The following EML4 variants were observed in gnomAD, a reference collection of about 807,000 sequenced individuals.
EML4 encodes EMAP like 4.
In EML4, 72 loss-of-function variants were observed where a neutral mutation model predicts 129.0. The observed-to-expected ratio is 0.56, with a 90% CI of 0.46 to 0.68. The LOEUF (loss-of-function observed/expected upper bound fraction) is 0.68. Ranked by LOEUF, EML4 falls within the 30% of genes least tolerant of loss-of-function variation. The pLI is 0.00. For synonymous variants in EML4, 532 were observed against 405.0 expected (o/e 1.31, Z -3.77); for missense variants, 1,363 against 1,190.6 (o/e 1.14, Z -2.13).
chr2:42,230,797 C>A (rs1443497699), intron 1 of EML4, among the ~76,000 whole-genome samples: 1 of 152,156 alleles, frequency 6.6e-6, no homozygotes, highest in Non-Finnish European at 1.5e-5. Context: ...TCTTCACCTC[C>A]TCTCATCTTC....
At chr2:42,278,570 T>C (rs1348349920) in intron 6 of EML4, among the ~76,000 whole-genome samples, 4 of 66,462 alleles carry the variant, frequency 6.0e-5, no homozygotes, top group Non-Finnish European at 9.7e-5. Flanking sequence ...CGGGACTCCA[T>C]CTCAAAAAAA....
chr2:42,230,848 G>T (rs188538519), intron 1 of EML4, among the ~76,000 whole-genome samples: 1 of 152,290 alleles, frequency 6.6e-6, no homozygotes, highest in Non-Finnish European at 1.5e-5. Context: ...TCTCAGAAAA[G>T]GCTCATTCTT....
intron 1 of EML4, among the ~76,000 whole-genome samples, chr2:42,177,430 G>C (rs890615376): frequency 6.6e-6 from 1 of 152,036 alleles, no homozygotes; most frequent in Non-Finnish European, 1.5e-5. Context: ...AGACCAGCCT[G>C]GGCAACATGG....
At chr2:42,251,573 A>C (rs960924170) in intron 2 of EML4, among the ~76,000 whole-genome samples, 3 of 152,260 alleles carry the variant, frequency 2.0e-5, no homozygotes, top group African/African-American at 7.2e-5. Flanking sequence ...ATAGAATTTG[A>C]TGGAGTACAT....
chr2:42,238,397 G>A (rs1277106948), intron 1 of EML4, among the ~76,000 whole-genome samples: 3 of 152,128 alleles, frequency 2.0e-5, no homozygotes, highest in Admixed American at 2.0e-4. Flanking sequence ...GATAGGCATA[G>A]CTAATCCCAA....
chr2:42,182,800 C>A (rs1386181602), intron 1 of EML4, among the ~76,000 whole-genome samples: 2 of 152,132 alleles, frequency 1.3e-5, no homozygotes, highest in African/African-American at 4.8e-5. Flanking sequence ...GGTCAGAAAT[C>A]AATGTTTCAT....
intron 13 of EML4, 29 bp downstream of exon 13, chr2:42,295,545 C>G (rs904903535): frequency 4.4e-6 from 7 of 1,598,534 alleles, no homozygotes; most frequent in Admixed American, 1.7e-5. Context: ...AAACTCATTT[C>G]TGGTAATTCT....
intron 1 of EML4, among the ~76,000 whole-genome samples, chr2:42,242,745 G>A (rs538686437): frequency 3.6e-5 from 5 of 137,500 alleles, no homozygotes; most frequent in East Asian, 2.1e-4. Context: ...GTCTCGTCTC[G>A]TCTCTTCTTT....
chr2:42,265,899 T>C (rs955250057), intron 6 of EML4, among the ~76,000 whole-genome samples: 1 of 152,258 alleles, frequency 6.6e-6, no homozygotes, highest in African/African-American at 2.4e-5. Flanking sequence ...TTTAATTTAA[T>C]TGCACTGTAG....
chr2:42,190,156 T>G (rs1324754530), intron 1 of EML4, among the ~76,000 whole-genome samples: 1 of 152,216 alleles, frequency 6.6e-6, no homozygotes, highest in Non-Finnish European at 1.5e-5. Context: ...CTTGTCAGGA[T>G]GATAGAACTT....
chr2:42,282,732 G>A, intron 7 of EML4, 91 bp from the exon 8 acceptor site: 1 of 1,146,342 alleles, frequency 8.7e-7, no homozygotes, highest in South Asian at 1.3e-5. Context: ...CTTCTTCATT[G>A]TACCTTCCTA....
At chr2:42,201,957 C>G (rs897203311) in intron 1 of EML4, among the ~76,000 whole-genome samples, 5 of 152,094 alleles carry the variant, frequency 3.3e-5, no homozygotes, top group African/African-American at 1.2e-4. Flanking sequence ...GTGCTGCGCA[C>G]CTGTAATCCC....
At position 42,169,412 on chromosome 2, in the gene EML4, C is replaced by G. The variant is rs1670111605; in HGVS notation, c.-200C>G. 4 of 467,668 alleles carry G rather than the reference C, an allele frequency of 8.6e-6. No individual in the cohort carries two copies. Among genetic ancestry groups the G allele is most frequent in the Non-Finnish European group, 1.1e-5 (3 of 267,550 alleles). 29.0% of individuals were successfully genotyped at this position (467,668 alleles called of 1,614,324 possible). A position where few individuals can be genotyped will look rare whatever the true frequency, so the allele number is the denominator to read the frequency against. ...GGGCAGGCGGCTGAGCGGCGCGGCT[C>G]TCAACGTGACGGGGAAGTGGTTCGG... is the stretch of plus-strand genomic sequence containing the variant. On this transcript the variant is annotated 5_prime_UTR_variant, in exon 1 of 23. Coordinates refer to ENST00000318522, the MANE Select transcript of EML4 (RefSeq NM_019063.5).
At chr2:42,329,372 G>A (rs1217324938) in intron 22 of EML4, among the ~76,000 whole-genome samples, 2 of 152,120 alleles carry the variant, frequency 1.3e-5, no homozygotes, top group Non-Finnish European at 2.9e-5. Context: ...ACTGTTTCCC[G>A]AATGTCCTGT....
chr2:42,295,362 T>G lies in EML4; in HGVS notation c.1354-19T>G. On this transcript the variant is annotated intron_variant, in intron 12 of 22. Coordinates refer to ENST00000318522, the MANE Select transcript of EML4 (RefSeq NM_019063.5). ...TCATGGCAAAAAGAAAACTGAAAAT[T>G]TTTATTGTTTCCTTGTAGAAATATG... The G allele has an allele frequency of 5.6e-6, 9 of 1,604,624 alleles. No individual in the cohort carries two copies. Among genetic ancestry groups the G allele is most frequent in the Non-Finnish European group, 7.6e-6 (9 of 1,177,686 alleles).
intron 6 of EML4, among the ~76,000 whole-genome samples, chr2:42,269,980 C>G (rs1666276903): frequency 6.6e-6 from 1 of 152,072 alleles, no homozygotes; most frequent in African/African-American, 2.4e-5. Flanking sequence ...AATCACAGTT[C>G]TACACTATGA....
intron 7 of EML4, among the ~76,000 whole-genome samples, chr2:42,282,010 T>C (rs1667038535): frequency 6.6e-6 from 1 of 152,316 alleles, no homozygotes; most frequent in East Asian, 1.9e-4. Flanking sequence ...TCCTTGCTAT[T>C]ACTTATTTAT....
chr2:42,186,286 C>T (rs931373238), intron 1 of EML4, among the ~76,000 whole-genome samples: 7 of 151,880 alleles, frequency 4.6e-5, no homozygotes, highest in Non-Finnish European at 8.8e-5. Context: ...CAGGTTTGTT[C>T]GTTCTGGATC....
At chr2:42,315,489 C>G (rs148332499) in intron 17 of EML4, among the ~76,000 whole-genome samples, 2 of 152,258 alleles carry the variant, frequency 1.3e-5, no homozygotes, top group African/African-American at 4.8e-5. Flanking sequence ...TATATTTTAT[C>G]TAGCAGCATT....
Sources: gnomAD v4.1 joint callset for allele counts (sites outside exome capture counted in the v4.1 genomes callset) on GRCh38, gnomAD v4.1.1 for gene constraint, MANE v1.5 for transcripts, NCBI Gene and HGNC (gene_info 2026-07-23, HGNC 2026-07-21) for gene names.